Variants in POSTN observed in about 807,000 individuals in gnomAD.
The protein encoded by POSTN is periostin.
In POSTN, 71 loss-of-function variants were observed where a neutral mutation model predicts 104.5. That is an observed-to-expected ratio of 0.68 (90% confidence interval 0.56 to 0.83). POSTN has a LOEUF of 0.83. Ranked by LOEUF, POSTN falls within the 40% of genes least tolerant of loss-of-function variation. The probability of loss-of-function intolerance (pLI) is 0.00; values close to 1 mark genes in which losing one functional copy is unlikely to be tolerated. For missense variants in POSTN, 949 were observed against 1,006.8 expected (o/e 0.94, Z 0.78); for synonymous variants, 355 against 340.7 (o/e 1.04, Z -0.46).
chr13:37,588,846 A>G (rs1316579389), intron 4 of POSTN, among the ~76,000 whole-genome samples: 1 of 152,202 alleles, frequency 6.6e-6, no homozygotes, highest in Non-Finnish European at 1.5e-5. Context: ...ATAAGGAACC[A>G]CTGAAGATTT....
chr13:37,584,917 A>T lies in POSTN; in HGVS notation c.907T>A (p.Tyr303Asn). Residue 303 changes from tyrosine (Y) to asparagine (N), a missense_variant, in exon 8 of 23, where the codon TAC becomes AAC. Coordinates refer to ENST00000379747, the MANE Select transcript of POSTN (RefSeq NM_006475.3). ...DKVASEALMK[Y>N]HILNTLQCSE... ...CACTGGAGAGTATTTAAGATGTGGT[A>T]CTTCATAAGAGCTGGAGAACACAAT... The T allele has an allele frequency of 6.2e-7, 1 of 1,613,738 alleles. No individual in the cohort carries two copies. Among genetic ancestry groups the T allele is most frequent in the Non-Finnish European group, 8.5e-7 (1 of 1,179,878 alleles).
chr13:37,573,986 T>C (rs780458785), intron 17 of POSTN, among the ~76,000 whole-genome samples: 27 of 151,646 alleles, frequency 1.8e-4, no homozygotes, highest in Admixed American at 2.6e-4. Context: ...TATGTAATAA[T>C]ATGTTCAGGG....
At chr13:37,584,253 A>G in intron 8 of POSTN, 150 bp from the exon 9 acceptor site, 3 of 981,216 alleles carry the variant, frequency 3.1e-6, no homozygotes, top group Non-Finnish European at 1.5e-6. Context: ...CTCCCTAATA[A>G]GAGAGTTCCA....
intron 4 of POSTN, among the ~76,000 whole-genome samples, chr13:37,589,427 C>T (rs974671845): frequency 1.4e-4 from 21 of 151,942 alleles, no homozygotes; most frequent in Non-Finnish European, 1.5e-5. Flanking sequence ...ATACATGTGC[C>T]ATGTTGGTGT....
chr13:37,591,119 T>C (rs1367391240), intron 3 of POSTN, among the ~76,000 whole-genome samples: 1 of 152,148 alleles, frequency 6.6e-6, no homozygotes, highest in African/African-American at 2.4e-5. Flanking sequence ...AATTTGTGAA[T>C]ATCCTTAGAT....
intron 17 of POSTN, 79 bp from the exon 18 acceptor site, chr13:37,571,537 C>T (rs1950263325): frequency 2.8e-6 from 3 of 1,079,778 alleles, no homozygotes; most frequent in African/African-American, 1.6e-5. Context: ...TTTATTTCAA[C>T]ATTCGGTGTG....
Position 37,586,899 on chromosome 13 carries a change from G to A in POSTN, c.636C>T (p.Ile212=). The A allele has an allele frequency of 6.2e-7, 1 of 1,613,388 alleles. No homozygotes were observed. Among genetic ancestry groups the A allele is most frequent in the Non-Finnish European group, 8.5e-7 (1 of 1,179,604 alleles). ...GVVTVNCARI[I]HGNQIATNGV... is the part of the protein sequence containing the mutation. ...CATTTGTTGCAATCTGGTTCCCATG[G>A]ATGATTCGAGCACAATTAACAGTGA... The change falls in exon 6 of 23, where the codon ATC becomes ATT. Residue 212 remains isoleucine (I), a synonymous_variant. Coordinates refer to ENST00000379747, the MANE Select transcript of POSTN (RefSeq NM_006475.3).
chr13:37,566,242 C>T (rs937163572), intron 21 of POSTN, among the ~76,000 whole-genome samples: 2 of 152,094 alleles, frequency 1.3e-5, no homozygotes, highest in Non-Finnish European at 2.9e-5. Context: ...GAAGATAAAC[C>T]AATTACTTGA....
At chr13:37,595,173 A>C (rs1222547443) in intron 2 of POSTN, among the ~76,000 whole-genome samples, 1 of 152,044 alleles carries the variant, frequency 6.6e-6, no homozygotes, top group Non-Finnish European at 1.5e-5. Context: ...TCTAGGAAGG[A>C]TGTAATAAGC....
chr13:37,597,288 G>A lies in POSTN; in HGVS notation c.120-6C>T. The A allele has an allele frequency of 6.4e-7, 1 of 1,559,426 alleles. No individual in the cohort carries two copies. Among genetic ancestry groups the A allele is most frequent in the Non-Finnish European group, 8.7e-7 (1 of 1,155,362 alleles). On this transcript the variant is annotated splice_polypyrimidine_tract_variant and splice_region_variant and intron_variant, in intron 1 of 22. Transcript: ENST00000379747. ...GAAGGGCACAGACATTTGGGCTGGA[G>A]GATAGAGGGAAAGGAAAAAAGTTAA...
chr13:37,589,986 C>G (rs986783947), intron 4 of POSTN, among the ~76,000 whole-genome samples: 7 of 152,026 alleles, frequency 4.6e-5, no homozygotes, highest in Non-Finnish European at 8.8e-5. Context: ...TAAAATATTG[C>G]TGTATAATAC....
At chr13:37,582,052 T>C (rs1044884442) in intron 10 of POSTN, among the ~76,000 whole-genome samples, 1 of 152,188 alleles carries the variant, frequency 6.6e-6, no homozygotes, top group African/African-American at 2.4e-5. Flanking sequence ...ACCTTGAAAA[T>C]TGTAAAGTAC....
chr13:37,583,890 G>A (rs535247068), intron 9 of POSTN, 79 bp downstream of exon 9: 4 of 1,513,554 alleles, frequency 2.6e-6, no homozygotes, highest in Non-Finnish European at 2.7e-6. Flanking sequence ...AACATTTATT[G>A]TTTCTTATTG....
intron 16 of POSTN, among the ~76,000 whole-genome samples, chr13:37,574,963 C>T (rs1355598157): frequency 6.6e-6 from 1 of 151,878 alleles, no homozygotes. Flanking sequence ...TTCTTTTGTA[C>T]TTCTTGAAAA....
rs762107664 is a variant in POSTN, at chr13:37,597,331, GT to G, written c.120-50del. On this transcript the variant is annotated intron_variant, in intron 1 of 22. Coordinates refer to ENST00000379747, the MANE Select transcript of POSTN (RefSeq NM_006475.3). ...AAAGTTAATGTCCTAATAATGACTA[GT>G]TTTTCGTATCTAAAGATTGGTTGAT... The G allele has an allele frequency of 5.0e-6, 6 of 1,211,068 alleles. No homozygotes were observed. The East Asian group carries it at 1.0e-4, about 21-fold the overall frequency. 75.0% of individuals were successfully genotyped at this position (1,211,068 alleles called of 1,614,324 possible).
At chr13:37,572,389 A>G (rs1048112927) in intron 17 of POSTN, among the ~76,000 whole-genome samples, 3 of 151,606 alleles carry the variant, frequency 2.0e-5, no homozygotes, top group African/African-American at 7.2e-5. Context: ...TTTTGAAACC[A>G]TAAGTATTTC....
rs777351070 is a variant in POSTN at position 37,583,992 on chromosome 13, G to C, written c.1220C>G (p.Ala407Gly). 1 of 1,613,770 alleles carries C rather than the reference G, an allele frequency of 6.2e-7. No individual in the cohort carries two copies. The highest frequency in any genetic ancestry group is 1.7e-5 in the Admixed American group (1 of 59,978). The change falls in exon 9 of 23, where the codon GCA becomes GGA. Residue 407 changes from alanine to glycine, a missense_variant. Physicochemically the swap from Ala to Gly is moderately conservative, Grantham distance 60. Transcript: ENST00000379747. ...LRPDGEYTLL[A>G]PVNNAFSDDT... is the part of the protein sequence containing the mutation. ...ACCAGAAAATGCATTATTCACAGGT[G>C]CCAGCAAAGTGTATTCTCCATCTGG...
chr13:37,564,532 G>A lies in POSTN; in HGVS notation c.2460C>T (p.Asn820=). The A allele has an allele frequency of 6.3e-7, 1 of 1,599,654 alleles. No homozygotes were observed. Among genetic ancestry groups the A allele is most frequent in the Non-Finnish European group, 8.6e-7 (1 of 1,169,268 alleles). ...GDTPVRKLQA[N]KKVQGSRRRL... ...CAATACACTTACCTTGAACTTTTTT[G>A]TTGGCTTGCAACTTCCTCACGGGTG... is the stretch of plus-strand genomic sequence containing the variant. Residue 820 remains asparagine, a synonymous_variant, in exon 22 of 23, where the codon AAC becomes AAT. Transcript: ENST00000379747.
rs781413873 is a variant in POSTN at position 37,584,821 on chromosome 13, C to G, written c.1003G>C (p.Gly335Arg). 1.9e-6 allele frequency: 3 copies of G among 1,613,654 alleles called. No individual in the cohort carries two copies. The highest frequency in any genetic ancestry group is 2.5e-6 in the Non-Finnish European group (3 of 1,179,836). Reference sequence around the variant, plus strand: ...ATTCCATTTACTGTTATACTGTCACCGTCACATCCTATCTCAATTGTATTT... The same window carrying G: ...ATTCCATTTACTGTTATACTGTCACGGTCACATCCTATCTCAATTGTATTT... Reference protein sequence around the residue: ...EGNTIEIGCDGDSITVNGIKM... With the variant: ...EGNTIEIGCDRDSITVNGIKM... The change falls in exon 8 of 23, where the codon GGT becomes CGT. Residue 335 changes from glycine to arginine, a missense_variant. Physicochemically the swap from Gly to Arg is moderately radical, Grantham distance 125. Transcript: ENST00000379747.
Sources: allele counts gnomAD v4.1 joint callset (sites outside exome capture counted in the v4.1 genomes callset), GRCh38; gene constraint gnomAD v4.1.1; transcripts MANE v1.5; gene names NCBI Gene and HGNC (gene_info 2026-07-23, HGNC 2026-07-21).